Variants in ADAMTSL1 observed in about 807,000 individuals in gnomAD.
ADAMTSL1 encodes the protein ADAMTS like 1.
ADAMTSL1 carries 126 observed loss-of-function variants against 201.8 expected under a neutral mutation model. That is an observed-to-expected ratio of 0.62 (90% CI 0.54 to 0.72). The LOEUF (loss-of-function observed/expected upper bound fraction) is 0.72. Ranked by LOEUF, ADAMTSL1 falls within the 30% of genes least tolerant of loss-of-function variation. The pLI, the probability that ADAMTSL1 is intolerant of heterozygous loss-of-function variation, is 0.00. For synonymous variants in ADAMTSL1, 1,121 were observed against 903.4 expected (o/e 1.24, Z -4.32); for missense variants, 2,679 against 2,277.8 (o/e 1.18, Z -3.59).
Position 18,073,807 on chromosome 9 carries a change from G to A in ADAMTSL1, c.88-90055G>A, listed in dbSNP as rs570703666. Among the ~76,000 whole-genome samples, 143 of 152,212 alleles carry A rather than the reference G, an allele frequency of 9.4e-4. 1 individual carries two copies. The highest frequency in any genetic ancestry group is 3.1e-3 in the African/African-American group (127 of 41,550). On this transcript the variant is annotated intron_variant, in intron 1 of 29. Transcript: ENST00000680146. ...CTTGAGGGTGTCACCCAACTTCAGC[G>A]GCCTTGGCAATGTCATGTGCTAAAT...
intron 23 of ADAMTSL1, among the ~76,000 whole-genome samples, chr9:18,850,161 C>A (rs1340688446): frequency 6.6e-6 from 1 of 152,198 alleles, no homozygotes; most frequent in African/African-American, 2.4e-5. Flanking sequence ...GAAATGAGGA[C>A]CTTGAGAAAA....
chr9:18,157,469 G>C (rs1827206658), intron 1 of ADAMTSL1, among the ~76,000 whole-genome samples: 1 of 151,824 alleles, frequency 6.6e-6, no homozygotes, highest in Non-Finnish European at 1.5e-5. Context: ...GACATTCTGG[G>C]ACAGATCTTT....
At chr9:18,870,349 C>T (rs766961549) in intron 23 of ADAMTSL1, among the ~76,000 whole-genome samples, 1 of 152,090 alleles carries the variant, frequency 6.6e-6, no homozygotes, top group Non-Finnish European at 1.5e-5. Context: ...ATGTTATGTT[C>T]CTCTGAAGAA....
At chr9:18,459,851 A>G (rs1341539732) in intron 2 of ADAMTSL1, among the ~76,000 whole-genome samples, 3 of 152,326 alleles carry the variant, frequency 2.0e-5, no homozygotes, top group Admixed American at 2.0e-4. Context: ...CACAAGAATA[A>G]TGACATTACT....
At chr9:18,133,092 C>T (rs2131972763) in intron 1 of ADAMTSL1, among the ~76,000 whole-genome samples, 1 of 152,160 alleles carries the variant, frequency 6.6e-6, no homozygotes, top group Middle Eastern at 3.4e-3. Flanking sequence ...GAATAAGAAG[C>T]TAAGGTTCAG....
chr9:18,498,133 G>GA (rs199995253), intron 1 of ADAMTSL1, among the ~76,000 whole-genome samples: 159 of 149,530 alleles, frequency 1.1e-3, no homozygotes, highest in Non-Finnish European at 1.8e-3. Flanking sequence ...AAGCTAGGCA[G>GA]AAAAAAAAAG....
chr9:18,650,137 A>T (rs532927114), intron 7 of ADAMTSL1, among the ~76,000 whole-genome samples: 4 of 152,036 alleles, frequency 2.6e-5, no homozygotes, highest in East Asian at 1.9e-4. Flanking sequence ...TTGCAGTTTG[A>T]TCTCTGACTG....
At chr9:18,807,516 G>C (rs889348237) in intron 20 of ADAMTSL1, among the ~76,000 whole-genome samples, 5 of 152,110 alleles carry the variant, frequency 3.3e-5, no homozygotes, top group Non-Finnish European at 7.4e-5. Context: ...GCAGTGGCAG[G>C]CGCCTGTAGT....
At chr9:18,791,532 A>G (rs2133823258) in intron 19 of ADAMTSL1, among the ~76,000 whole-genome samples, 1 of 152,246 alleles carries the variant, frequency 6.6e-6, no homozygotes, top group African/African-American at 2.4e-5. Flanking sequence ...GAAAAAAAAA[A>G]GTGCTGGACC....
chr9:18,048,733 C>T lies in ADAMTSL1; in HGVS notation c.88-115129C>T, dbSNP rs534838320. ...CCAGACATCGTGAGTTGCTTTCCTT[C>T]GTCCTTACCAGCTTTGTTTATAATA... is the stretch of plus-strand genomic sequence containing the variant. On this transcript the variant is annotated intron_variant, in intron 1 of 29. Transcript: ENST00000680146. 3.9e-5 allele frequency among the ~76,000 whole-genome samples: 6 copies of T among 152,296 alleles called. No homozygotes were observed. The South Asian group carries it at 6.2e-4, about 16-fold the overall frequency.
chr9:18,232,517 G>A (rs770787261), intron 2 of ADAMTSL1, among the ~76,000 whole-genome samples: 4 of 151,322 alleles, frequency 2.6e-5, no homozygotes, highest in South Asian at 4.2e-4. Flanking sequence ...CCTTTTTTTC[G>A]CTGATGTGTT....
chr9:18,496,449 G>A (rs144648553), intron 1 of ADAMTSL1, among the ~76,000 whole-genome samples: 104 of 152,228 alleles, frequency 6.8e-4, no homozygotes, highest in Middle Eastern at 3.4e-3. Flanking sequence ...ACCACATCCC[G>A]CATCCCATGG....
At chr9:18,218,239 G>A (rs1353457552) in intron 2 of ADAMTSL1, among the ~76,000 whole-genome samples, 1 of 152,028 alleles carries the variant, frequency 6.6e-6, no homozygotes, top group Non-Finnish European at 1.5e-5. Flanking sequence ...CAACTGTATA[G>A]AAAATGCAGC....
At chr9:17,934,837 C>T (rs1464642189) in intron 1 of ADAMTSL1, among the ~76,000 whole-genome samples, 1 of 151,192 alleles carries the variant, frequency 6.6e-6, no homozygotes, top group Non-Finnish European at 1.5e-5. Context: ...AGACTCCATC[C>T]CCATTTGCCT....
chr9:17,974,562 C>T (rs1394310033), intron 1 of ADAMTSL1, among the ~76,000 whole-genome samples: 2 of 152,000 alleles, frequency 1.3e-5, no homozygotes, highest in Non-Finnish European at 2.9e-5. Flanking sequence ...ATTCTGCTCT[C>T]TGCCTCTATG....
chr9:18,451,298 A>G (rs750186296), intron 2 of ADAMTSL1, among the ~76,000 whole-genome samples: 1 of 152,214 alleles, frequency 6.6e-6, no homozygotes, highest in Non-Finnish European at 1.5e-5. Flanking sequence ...TTATGGTAAG[A>G]TCGCCACATA....
intron 2 of ADAMTSL1, among the ~76,000 whole-genome samples, chr9:18,333,442 C>A (rs1835110450): frequency 6.6e-6 from 1 of 152,030 alleles, no homozygotes; most frequent in Admixed American, 6.6e-5. Context: ...CTGAGGACTC[C>A]CCAGCCATGT....
At chr9:18,453,937 C>G (rs554940706) in intron 2 of ADAMTSL1, among the ~76,000 whole-genome samples, 2 of 152,304 alleles carry the variant, frequency 1.3e-5, no homozygotes, top group South Asian at 2.1e-4. Context: ...TTATCTTCCT[C>G]TAGAACCACT....
At chr9:18,452,362 CAA>C (rs1444014738) in intron 2 of ADAMTSL1, among the ~76,000 whole-genome samples, 1 of 152,164 alleles carries the variant, frequency 6.6e-6, no homozygotes, top group African/African-American at 2.4e-5. Context: ...GCTGACTTTC[CAA>C]AACATGAACT....
Sources: allele counts gnomAD v4.1 joint callset (sites outside exome capture counted in the v4.1 genomes callset), GRCh38; gene constraint gnomAD v4.1.1; transcripts MANE v1.5; gene names NCBI Gene and HGNC (gene_info 2026-07-23, HGNC 2026-07-21).